Variants in PHACTR1 observed in about 807,000 individuals in gnomAD.
The protein encoded by PHACTR1 is phosphatase and actin regulator 1.
A neutral mutation model predicts 69.2 loss-of-function variants in PHACTR1; 16 were observed. The observed-to-expected ratio is 0.23, with a 90% confidence interval of 0.16 to 0.35. The LOEUF (loss-of-function observed/expected upper bound fraction) is 0.35, where lower values mean the gene tolerates loss of function less well. PHACTR1 is among the 10% of genes least tolerant of loss of function. PHACTR1 has a pLI of 1.00. For synonymous variants in PHACTR1, 312 were observed against 284.5 expected (o/e 1.10, Z -0.97); for missense variants, 510 against 734.7 (o/e 0.69, Z 3.54).
intron 5 of PHACTR1, among the ~76,000 whole-genome samples, chr6:13,059,808 A>C (rs1251158706): frequency 6.6e-6 from 1 of 152,022 alleles, no homozygotes; most frequent in East Asian, 1.9e-4. Context: ...GTTTGAGTCA[A>C]CTTTGTGATA....
At chr6:13,286,307 A>G in intron 14 of PHACTR1, 85 bp downstream of exon 14, 1 of 1,188,318 alleles carries the variant, frequency 8.4e-7, no homozygotes, top group Non-Finnish European at 1.2e-6. Context: ...CTTGTGGGAC[A>G]TGAGTGGGTT....
At chr6:13,189,714 T>TA (rs1025098359) in intron 7 of PHACTR1, among the ~76,000 whole-genome samples, 5 of 152,082 alleles carry the variant, frequency 3.3e-5, no homozygotes, top group African/African-American at 7.2e-5. Context: ...CCCAAATCTT[T>TA]AAAAAAATCA....
At chr6:13,124,699 G>A (rs1819249029) in intron 5 of PHACTR1, among the ~76,000 whole-genome samples, 1 of 152,196 alleles carries the variant, frequency 6.6e-6, no homozygotes, top group African/African-American at 2.4e-5. Context: ...TTTAGAGGCT[G>A]GAAGGCTGAG....
At chr6:13,110,406 A>C (rs1233303008) in intron 5 of PHACTR1, among the ~76,000 whole-genome samples, 1 of 152,134 alleles carries the variant, frequency 6.6e-6, no homozygotes, top group Admixed American at 6.5e-5. Flanking sequence ...GTGTTCACTG[A>C]GTTTTCTTCA....
chr6:13,240,164 G>A (rs1485346198), intron 10 of PHACTR1, among the ~76,000 whole-genome samples: 1 of 152,108 alleles, frequency 6.6e-6, no homozygotes, highest in South Asian at 2.1e-4. Flanking sequence ...TTGGGTGCAG[G>A]GGGTGGGGAG....
intron 7 of PHACTR1, among the ~76,000 whole-genome samples, chr6:13,204,843 G>C (rs972489015): frequency 6.6e-6 from 1 of 152,242 alleles, no homozygotes; most frequent in Admixed American, 6.5e-5. Context: ...GTTGGCAGCA[G>C]TAAAGGCACT....
chr6:12,745,668 T>C (rs544655063), intron 3 of PHACTR1, among the ~76,000 whole-genome samples: 25 of 152,278 alleles, frequency 1.6e-4, no homozygotes, highest in African/African-American at 5.5e-4. Flanking sequence ...CTAAATATAA[T>C]TCATTACAAA....
chr6:13,153,594 G>A (rs1205145463), intron 5 of PHACTR1, among the ~76,000 whole-genome samples: 1 of 152,150 alleles, frequency 6.6e-6, no homozygotes, highest in Non-Finnish European at 1.5e-5. Context: ...GCTGGTTTAT[G>A]TAGTTCTCTT....
intron 3 of PHACTR1, among the ~76,000 whole-genome samples, chr6:12,724,199 C>T (rs1158926304): frequency 6.6e-6 from 1 of 152,060 alleles, no homozygotes; most frequent in African/African-American, 2.4e-5. Flanking sequence ...TGGTGGTGGG[C>T]ACCTGTAATC....
intron 4 of PHACTR1, among the ~76,000 whole-genome samples, chr6:12,920,788 A>G (rs974366786): frequency 4.6e-5 from 7 of 152,260 alleles, no homozygotes; most frequent in African/African-American, 1.4e-4. Flanking sequence ...GTACATTTCT[A>G]TGTCAAGCAG....
intron 10 of PHACTR1, chr6:13,253,162 A>G: frequency 2.9e-6 from 1 of 346,528 alleles, no homozygotes; most frequent in South Asian, 2.0e-5. Flanking sequence ...GATCGCCCCA[A>G]AATGAGAGAT....
chr6:13,108,871 C>A, intron 5 of PHACTR1, among the ~76,000 whole-genome samples: 1 of 151,890 alleles, frequency 6.6e-6, no homozygotes, highest in Admixed American at 6.6e-5. Context: ...CTCATCTGTT[C>A]TTTGTTCCTT....
chr6:12,858,458 G>T (rs564109947), intron 4 of PHACTR1, among the ~76,000 whole-genome samples: 2 of 152,218 alleles, frequency 1.3e-5, no homozygotes, highest in Admixed American at 1.3e-4. Flanking sequence ...TGGCACATTT[G>T]CTGTATACTT....
chr6:12,944,131 C>T (rs1437490473), intron 4 of PHACTR1, among the ~76,000 whole-genome samples: 4 of 152,180 alleles, frequency 2.6e-5, no homozygotes, highest in Admixed American at 6.5e-5. Context: ...AGGGATGACT[C>T]TTTTATTACC....
chr6:13,175,136 AACTT>A (rs529258506), intron 6 of PHACTR1, among the ~76,000 whole-genome samples: 43 of 152,308 alleles, frequency 2.8e-4, no homozygotes, highest in Admixed American at 1.5e-3. Flanking sequence ...AAAAATATAA[AACTT>A]TGTTTAGCCA....
intron 6 of PHACTR1, among the ~76,000 whole-genome samples, chr6:13,170,165 G>A (rs1760383343): frequency 3.9e-5 from 6 of 152,168 alleles, no homozygotes; most frequent in Admixed American, 3.3e-4. Flanking sequence ...GTATCTTGAT[G>A]ACAGCAAGAA....
At chr6:13,030,743 A>G (rs896051465) in intron 4 of PHACTR1, among the ~76,000 whole-genome samples, 2 of 152,272 alleles carry the variant, frequency 1.3e-5, no homozygotes, top group Admixed American at 1.3e-4. Context: ...GAGAATACTC[A>G]TTACAAACAC....
At chr6:12,724,988 C>T (rs1299353002) in intron 3 of PHACTR1, among the ~76,000 whole-genome samples, 2 of 152,134 alleles carry the variant, frequency 1.3e-5, no homozygotes, top group Non-Finnish European at 2.9e-5. Context: ...CAGGCTCAGT[C>T]GTCACTGTTA....
chr6:12,848,315 A>G (rs1386429621), intron 4 of PHACTR1, among the ~76,000 whole-genome samples: 4 of 152,328 alleles, frequency 2.6e-5, no homozygotes, highest in Admixed American at 1.3e-4. Context: ...ACCAATATAC[A>G]TATATGTGCA....
Sources: allele counts gnomAD v4.1 joint callset (sites outside exome capture counted in the v4.1 genomes callset), GRCh38; gene constraint gnomAD v4.1.1; transcripts MANE v1.5; gene names NCBI Gene and HGNC (gene_info 2026-07-23, HGNC 2026-07-21).